MACROD1: variants seen among roughly 807,000 people sequenced by gnomAD.
MACROD1 encodes the protein mono-ADP ribosylhydrolase 1.
MACROD1 carries 31 observed loss-of-function variants against 41.4 expected under a neutral mutation model. That is an observed-to-expected ratio of 0.75 (90% CI 0.56 to 1.01). The LOEUF is 1.01. Ranked by LOEUF, MACROD1 falls within the 50% of genes least tolerant of loss-of-function variation. The pLI, the probability that MACROD1 is intolerant of heterozygous loss-of-function variation, is 0.00. For missense variants in MACROD1, 473 were observed against 460.0 expected, an observed-to-expected ratio of 1.03 and a Z score of -0.26; for synonymous variants, 252 against 203.4, an observed-to-expected ratio of 1.24 and a Z score of -2.03.
intron 3 of MACROD1, chr11:64,148,873 A>C (rs1255789958): frequency 1.3e-5 from 13 of 985,504 alleles, no homozygotes; most frequent in Middle Eastern, 1.0e-3. Flanking sequence ...AGGACCCTGG[A>C]GGCCTGACCA....
At chr11:64,059,115 G>A (rs1473927497) in intron 3 of MACROD1, among the ~76,000 whole-genome samples, 1 of 152,202 alleles carries the variant, frequency 6.6e-6, no homozygotes, top group Non-Finnish European at 1.5e-5. Flanking sequence ...GTGCTGAAAG[G>A]ACGGAACAGC....
At chr11:64,151,803 T>C (rs1276464751) in intron 2 of MACROD1, among the ~76,000 whole-genome samples, 3 of 152,082 alleles carry the variant, frequency 2.0e-5, no homozygotes, top group Non-Finnish European at 2.9e-5. Flanking sequence ...AACCATACAA[T>C]GGGGATAAAA....
At chr11:64,150,439 C>T (rs1183526672) in intron 3 of MACROD1, among the ~76,000 whole-genome samples, 1 of 152,140 alleles carries the variant, frequency 6.6e-6, no homozygotes, top group Non-Finnish European at 1.5e-5. Flanking sequence ...AGAGGACCTG[C>T]CCCCCATATT....
At chr11:64,087,672 T>C (rs1171328175) in intron 3 of MACROD1, among the ~76,000 whole-genome samples, 1 of 152,228 alleles carries the variant, frequency 6.6e-6, no homozygotes, top group East Asian at 1.9e-4. Flanking sequence ...TGTCCTCATA[T>C]TCACTCTCCT....
intron 3 of MACROD1, among the ~76,000 whole-genome samples, chr11:64,025,788 T>C (rs1340888500): frequency 6.8e-6 from 1 of 148,094 alleles, no homozygotes; most frequent in Non-Finnish European, 1.5e-5. Context: ...GGTGGGATCA[T>C]AGCTCACTGC....
At chr11:64,152,730 T>C (rs1368176531) in intron 1 of MACROD1, among the ~76,000 whole-genome samples, 3 of 152,026 alleles carry the variant, frequency 2.0e-5, no homozygotes, top group African/African-American at 7.3e-5. Context: ...AGAACGGGGG[T>C]GAAGACGTCC....
chr11:64,068,623 A>G (rs1017191149), intron 3 of MACROD1, among the ~76,000 whole-genome samples: 1 of 152,242 alleles, frequency 6.6e-6, no homozygotes, highest in Middle Eastern at 3.2e-3. Flanking sequence ...CAGAATAGAT[A>G]GGGTTCCATG....
intron 1 of MACROD1, among the ~76,000 whole-genome samples, chr11:64,163,790 G>A (rs1392941516): frequency 3.9e-5 from 6 of 152,204 alleles, no homozygotes; most frequent in Admixed American, 6.5e-5. Context: ...ACGCCACTAA[G>A]GTTCGGGGTG....
intron 4 of MACROD1, among the ~76,000 whole-genome samples, chr11:64,006,625 T>G (rs1246456464): frequency 6.6e-6 from 1 of 152,222 alleles, no homozygotes; most frequent in African/African-American, 2.4e-5. Context: ...CTGTGGCAGC[T>G]GCATGCCGGG....
chr11:64,060,953 G>T (rs1943890272), intron 3 of MACROD1, among the ~76,000 whole-genome samples: 1 of 151,872 alleles, frequency 6.6e-6, no homozygotes, highest in South Asian at 2.1e-4. Context: ...GGCGGCGGCG[G>T]CGGGGCTCCC....
intron 3 of MACROD1, among the ~76,000 whole-genome samples, chr11:64,108,203 C>T (rs997956879): frequency 1.4e-4 from 21 of 151,744 alleles, no homozygotes; most frequent in African/African-American, 4.6e-4. Context: ...ATCACAGCTA[C>T]GCGGGAGGCT....
Position 64,064,547 on chromosome 11 carries a change from C to A in MACROD1, c.518-49266G>T, listed in dbSNP as rs974283796. On this transcript the variant is annotated intron_variant, in intron 3 of 10. Coordinates refer to ENST00000255681, the MANE Select transcript of MACROD1 (RefSeq NM_014067.4). This position sits in a 1 kb window ranked among gnomAD's most constrained non-coding sequence, Gnocchi z 4.5. ...ACGTATGTGCCTGGCATGGTCCTTG[C>A]CTGAGTCCTGCCTGCTGGCTGACAC... Among the ~76,000 whole-genome samples the A allele has an allele frequency of 6.6e-6, 1 of 152,096 alleles. No homozygotes were observed. The highest frequency in any genetic ancestry group is 2.4e-5 in the African/African-American group (1 of 41,432).
intron 1 of MACROD1, among the ~76,000 whole-genome samples, chr11:64,159,511 C>T (rs1945720940): frequency 7.1e-6 from 1 of 141,556 alleles, no homozygotes; most frequent in African/African-American, 2.6e-5. Context: ...AATAAACAAA[C>T]AGGCCAGGCA....
intron 3 of MACROD1, among the ~76,000 whole-genome samples, chr11:64,107,576 T>C (rs1448771527): frequency 1.3e-5 from 2 of 152,232 alleles, no homozygotes; most frequent in African/African-American, 2.4e-5. Flanking sequence ...AGCTGATGCA[T>C]AATGCATGCA....
Position 63,998,573 on chromosome 11 carries a change from T to TTTA in MACROD1, c.*142_*144dup. 2 of 1,208,382 alleles carry TTTA rather than the reference T, an allele frequency of 1.7e-6. No individual in the cohort carries two copies. The highest frequency in any genetic ancestry group is 2.1e-6 in the Non-Finnish European group (2 of 963,932). The allele number at this position is 1,208,382 out of a possible 1,614,324, so 74.9% of individuals were successfully genotyped here. On this transcript the variant is annotated 3_prime_UTR_variant, in exon 11 of 11. Transcript: ENST00000255681. ...CAGTAGGAGCTGCCACAACGAGATCTTTATTAGGCTCCTCGGGGGCGGGGC... is the reference window on the plus strand; with the variant it reads ...CAGTAGGAGCTGCCACAACGAGATCTTTATTATTAGGCTCCTCGGGGGCGGGGC...
chr11:64,141,852 C>T (rs1325602007), intron 3 of MACROD1, among the ~76,000 whole-genome samples: 1 of 152,130 alleles, frequency 6.6e-6, no homozygotes, highest in Non-Finnish European at 1.5e-5. Flanking sequence ...ACGAGTCTGC[C>T]GCGAGGGGGA....
chr11:64,016,527 G>T lies in MACROD1; in HGVS notation c.518-1246C>A, dbSNP rs917035841. Among the ~76,000 whole-genome samples, 5 of 152,396 alleles carry T rather than the reference G, an allele frequency of 3.3e-5. No homozygotes were observed. The South Asian group carries it at 1.0e-3, about 32-fold the overall frequency. Reference sequence around the variant, plus strand: ...GATGAGGGGACACAGAGCTGAGCTGGGTGGCCAGGCTGCAGGCCCAAGATG... The same window carrying T: ...GATGAGGGGACACAGAGCTGAGCTGTGTGGCCAGGCTGCAGGCCCAAGATG... On this transcript the variant is annotated intron_variant, in intron 3 of 10. Coordinates refer to ENST00000255681, the MANE Select transcript of MACROD1 (RefSeq NM_014067.4).
intron 1 of MACROD1, among the ~76,000 whole-genome samples, chr11:64,153,201 C>T (rs1460992787): frequency 6.6e-6 from 1 of 152,108 alleles, no homozygotes; most frequent in Non-Finnish European, 1.5e-5. Flanking sequence ...TCAGAAGGGC[C>T]CGCCCCGACC....
At chr11:64,003,874 G>A (rs991668691) in intron 4 of MACROD1, among the ~76,000 whole-genome samples, 12 of 152,156 alleles carry the variant, frequency 7.9e-5, no homozygotes, top group African/African-American at 2.7e-4. Flanking sequence ...GGGCTGCCCT[G>A]GTGGCCTCTT....
Sources: gnomAD v4.1 joint callset for allele counts (sites outside exome capture counted in the v4.1 genomes callset) on GRCh38, gnomAD v4.1.1 for gene constraint, Gnocchi (gnomAD v3.1) non-coding constraint, MANE v1.5 for transcripts, NCBI Gene and HGNC (gene_info 2026-07-23, HGNC 2026-07-21) for gene names.